The following FYB1 variants were observed in gnomAD, a reference collection of about 807,000 sequenced individuals.
FYB1 encodes the protein FYN-binding protein 1.
In FYB1, 41 loss-of-function variants were observed where a neutral mutation model predicts 94.1. The ratio of observed to expected loss-of-function variants is 0.44; its 90% CI spans 0.34 to 0.57. The LOEUF is 0.57. Among genes scored for constraint, FYB1 ranks in the 20% least tolerant of loss-of-function variants. The pLI is 0.02. For missense variants in FYB1, 1,050 were observed against 976.8 expected, an observed-to-expected ratio of 1.07 and a Z score of -1.00; for synonymous variants, 367 against 353.2, an observed-to-expected ratio of 1.04 and a Z score of -0.44.
chr5:39,244,321 T>C (rs1056093552), intron 1 of FYB1, among the ~76,000 whole-genome samples: 2 of 152,198 alleles, frequency 1.3e-5, no homozygotes, highest in Non-Finnish European at 2.9e-5. Context: ...GTCCCATCAA[T>C]ACCTTATTTA....
Position 39,153,613 on chromosome 5 carries a change from CA to C in FYB1, c.1136-10del. ...CTGGCCTTTGCTAGTACCTAAGAAG[CA>C]AAGCAAACAATACCATGAATTAAGA... On this transcript the variant is annotated splice_polypyrimidine_tract_variant and intron_variant, in intron 2 of 18. Coordinates refer to ENST00000512982, the MANE Select transcript of FYB1 (RefSeq NM_001465.6). 1 of 1,598,178 alleles carries C rather than the reference CA, an allele frequency of 6.3e-7. No homozygotes were observed. Among genetic ancestry groups the C allele is most frequent in the Non-Finnish European group, 8.5e-7 (1 of 1,173,012 alleles).
At chr5:39,257,914 C>T (rs1341520969) in intron 1 of FYB1, among the ~76,000 whole-genome samples, 1 of 152,078 alleles carries the variant, frequency 6.6e-6, no homozygotes, top group Non-Finnish European at 1.5e-5. Flanking sequence ...TTAAAATGGG[C>T]AGCCAGGTTG....
intron 1 of FYB1, among the ~76,000 whole-genome samples, chr5:39,245,844 C>T (rs1000539713): frequency 6.6e-6 from 1 of 152,180 alleles, no homozygotes; most frequent in African/African-American, 2.4e-5. Flanking sequence ...AGGTGATTCA[C>T]CTGCCTTGGT....
At chr5:39,169,283 C>G in intron 2 of FYB1, 3 of 960,638 alleles carry the variant, frequency 3.1e-6, no homozygotes, top group Non-Finnish European at 5.0e-6. Flanking sequence ...AGAGGTGAAG[C>G]CAAGCCATAT....
At chr5:39,124,205 C>A in intron 13 of FYB1, 48 bp downstream of exon 13, 1 of 1,349,134 alleles carries the variant, frequency 7.4e-7, no homozygotes, top group East Asian at 2.5e-5. Flanking sequence ...CACTACCACA[C>A]TGCAAGAAAT....
chr5:39,125,320 G>A (rs1740543914), intron 12 of FYB1, among the ~76,000 whole-genome samples: 1 of 152,018 alleles, frequency 6.6e-6, no homozygotes, highest in South Asian at 2.1e-4. Context: ...CAGGGAATAT[G>A]ATTAAGATCT....
At chr5:39,126,193 G>T in intron 11 of FYB1, 58 bp from the exon 12 acceptor site, 3 of 1,563,284 alleles carry the variant, frequency 1.9e-6, no homozygotes, top group Admixed American at 3.7e-5. Flanking sequence ...TGAAGACATT[G>T]TGTGGACATT....
chr5:39,119,003 T>C lies in FYB1; in HGVS notation c.2272A>G (p.Lys758Glu), dbSNP rs1206257375. ...DGEIRVLYST[K>E]VTTSITSKKW... The stretch of plus-strand genomic sequence containing the variant: ...TTAGAAGTTATGGAAGTTGTAACTT[T>C]AGTTGAATATAGGACTCTAATTTCA... Residue 758 changes from lysine (K) to glutamate (E), a missense_variant, in exon 16 of 19, where the codon AAA (lysine) becomes GAA (glutamate). By Grantham distance (56) the Lys-to-Glu change is moderately conservative. Transcript: ENST00000512982. The C allele has an allele frequency of 2.0e-6, 3 of 1,506,214 alleles. No individual in the cohort carries two copies. Among genetic ancestry groups the C allele is most frequent in the South Asian group, 1.3e-5 (1 of 78,204 alleles). 93.3% of individuals were successfully genotyped at this position (1,506,214 alleles called of 1,614,324 possible).
chr5:39,150,845 T>C (rs977095469), intron 3 of FYB1, among the ~76,000 whole-genome samples: 2 of 152,216 alleles, frequency 1.3e-5, no homozygotes, highest in Non-Finnish European at 2.9e-5. Flanking sequence ...GCTTTGACAA[T>C]TGTCTACCTA....
At chr5:39,230,022 T>C (rs572385368) in intron 1 of FYB1, among the ~76,000 whole-genome samples, 3 of 152,290 alleles carry the variant, frequency 2.0e-5, no homozygotes, top group South Asian at 4.1e-4. Context: ...TACTTTATAC[T>C]GTTTCCAACA....
chr5:39,271,636 G>C (rs1205429208), intron 1 of FYB1, among the ~76,000 whole-genome samples: 1 of 152,108 alleles, frequency 6.6e-6, no homozygotes, highest in African/African-American at 2.4e-5. Flanking sequence ...GATGTTACCT[G>C]TTATTTATTC....
Position 39,245,551 on chromosome 5 carries a change from G to C in FYB1, c.-28+28852C>G, listed in dbSNP as rs553754034. Among the ~76,000 whole-genome samples, 22 of 152,094 alleles carry C rather than the reference G, an allele frequency of 1.4e-4. No homozygotes were observed. The South Asian group carries it at 4.6e-3, about 32-fold the overall frequency. On this transcript the variant is annotated intron_variant, in intron 1 of 1. Coordinates refer to the FYB1 transcript ENST00000510188. ...TTCTATTAAGGGATATCCAAGAGCA[G>C]AGGATTTCTGGGTTGGATGTCCAGA...
chr5:39,201,602 C>A (rs1260680321), intron 2 of FYB1, among the ~76,000 whole-genome samples: 1 of 152,100 alleles, frequency 6.6e-6, no homozygotes, highest in East Asian at 1.9e-4. Flanking sequence ...TCCCTTCCCC[C>A]AACAAAACCC....
At chr5:39,116,115 T>C (rs1296654151) in intron 16 of FYB1, among the ~76,000 whole-genome samples, 2 of 152,204 alleles carry the variant, frequency 1.3e-5, no homozygotes, top group African/African-American at 4.8e-5. Context: ...CAAGCTCCAA[T>C]AATCCAAGTG....
At chr5:39,221,466 GA>G, upstream of FYB1, among the ~76,000 whole-genome samples, 1 of 152,180 alleles carries the variant, frequency 6.6e-6, no homozygotes, top group East Asian at 1.9e-4. Context: ...TATAGAGATA[GA>G]CACTGTATAA....
intron 1 of FYB1, among the ~76,000 whole-genome samples, chr5:39,250,038 A>G (rs760949529): frequency 2.0e-5 from 3 of 151,220 alleles, no homozygotes; most frequent in Admixed American, 6.6e-5. Context: ...CTCCCTTTGC[A>G]CTCTCTCTCT....
intron 2 of FYB1, among the ~76,000 whole-genome samples, chr5:39,193,017 G>C (rs1307400114): frequency 6.6e-6 from 1 of 150,402 alleles, no homozygotes; most frequent in Non-Finnish European, 1.5e-5. Context: ...TGGCCCTCAA[G>C]GCATTTGCAG....
chr5:39,236,421 T>A lies in FYB1; in HGVS notation c.-27-33434A>T, dbSNP rs148789654. Among the ~76,000 whole-genome samples the A allele has an allele frequency of 7.2e-4, 109 of 152,190 alleles. 2 individuals are homozygous for A. The East Asian group carries it at 0.019, about 27-fold the overall frequency. On this transcript the variant is annotated intron_variant, in intron 1 of 1. Transcript: ENST00000510188. ...GAAGTGAAAGCAAATGCAGAAAATATAGGCCATTAATGTAGATCCAATTTC... is the reference window on the plus strand; with the variant it reads ...GAAGTGAAAGCAAATGCAGAAAATAAAGGCCATTAATGTAGATCCAATTTC...
intron 1 of FYB1, among the ~76,000 whole-genome samples, chr5:39,269,463 G>A (rs1217199352): frequency 1.3e-5 from 2 of 152,192 alleles, no homozygotes; most frequent in African/African-American, 2.4e-5. Context: ...AGGTGTTGCC[G>A]CAGGCAGGGT....
Sources: gnomAD v4.1 joint callset for allele counts (sites outside exome capture counted in the v4.1 genomes callset) on GRCh38, gnomAD v4.1.1 for gene constraint, MANE v1.5 for transcripts, NCBI Gene and HGNC (gene_info 2026-07-23, HGNC 2026-07-21) for gene names.